Variants in CADPS2 observed in about 807,000 individuals in gnomAD.
CADPS2 encodes the protein calcium dependent secretion activator 2.
A neutral mutation model predicts 172.5 loss-of-function variants in CADPS2; 93 were observed. The observed-to-expected ratio is 0.54, with a 90% CI of 0.46 to 0.64. CADPS2 has a LOEUF of 0.64. CADPS2 is among the 30% of genes least tolerant of loss of function. The pLI is 0.00. For missense variants in CADPS2, 1,420 were observed against 1,565.9 expected (o/e 0.91, Z 1.57); for synonymous variants, 546 against 555.2 (o/e 0.98, Z 0.23).
At chr7:122,337,660 C>T (rs2036074407) in intron 28 of CADPS2, among the ~76,000 whole-genome samples, 1 of 149,326 alleles carries the variant, frequency 6.7e-6, no homozygotes, top group African/African-American at 2.5e-5. Flanking sequence ...CTTACACTTA[C>T]AAATAATAAC....
At chr7:122,636,223 G>A (rs899456486) in intron 3 of CADPS2, among the ~76,000 whole-genome samples, 2 of 152,112 alleles carry the variant, frequency 1.3e-5, no homozygotes, top group Non-Finnish European at 2.9e-5. Context: ...TGTTTTTGTG[G>A]TAGCAGGTTT....
At chr7:122,767,308 T>C (rs556464447) in intron 1 of CADPS2, among the ~76,000 whole-genome samples, 2 of 152,284 alleles carry the variant, frequency 1.3e-5, no homozygotes, top group South Asian at 2.1e-4. Flanking sequence ...TATTCCTATA[T>C]TAAAGGTGAG....
chr7:122,651,220 T>G (rs1305180934), intron 3 of CADPS2, among the ~76,000 whole-genome samples: 1 of 150,954 alleles, frequency 6.6e-6, no homozygotes, highest in Non-Finnish European at 1.5e-5. Context: ...CATTACTGTA[T>G]GTTAAATGAA....
At chr7:122,696,925 A>C (rs1390613811) in intron 2 of CADPS2, among the ~76,000 whole-genome samples, 1 of 152,156 alleles carries the variant, frequency 6.6e-6, no homozygotes, top group East Asian at 1.9e-4. Flanking sequence ...ATAGTGAACA[A>C]AAGAAACATG....
At position 122,393,207 on chromosome 7, in the gene CADPS2, T is replaced by C. The variant is rs759031505; in HGVS notation, c.2997A>G (p.Leu999=). The C allele has an allele frequency of 6.2e-7, 1 of 1,613,654 alleles. No homozygotes were observed. The highest frequency in any genetic ancestry group is 2.2e-5 in the East Asian group (1 of 44,872). The change falls in exon 22 of 30, where the codon TTA becomes TTG. Residue 999 remains leucine, a synonymous_variant. Transcript: ENST00000449022. The part of the protein sequence containing the change: ...NISTASWMPS[L]YESTNGSATS... The stretch of plus-strand genomic sequence containing the variant: ...TGAGGAATACACACGTGGACTCATA[T>C]AAAGAAGGCATCCACGAAGCAGTAG...
At chr7:122,658,433 G>C (rs370654967) in intron 3 of CADPS2, among the ~76,000 whole-genome samples, 1 of 152,148 alleles carries the variant, frequency 6.6e-6, no homozygotes, top group African/African-American at 2.4e-5. Flanking sequence ...TAAAGATACA[G>C]GCACAGTATG....
Position 122,320,247 on chromosome 7 carries a change from T to C in CADPS2, c.3809A>G (p.Glu1270Gly), listed in dbSNP as rs768623466. Reference sequence around the variant, plus strand: ...TTCTGAAACAGAGGCTGTGGCCTCCTCTACTGTTAAACGTCTGTGCACAGT... The same window carrying C: ...TTCTGAAACAGAGGCTGTGGCCTCCCCTACTGTTAAACGTCTGTGCACAGT... ...YDTVHRRLTV[E>G]EATASVSEGG... Residue 1270 changes from glutamate (E) to glycine (G), a missense_variant, in exon 30 of 30, where the codon GAG becomes GGG. Glu to Gly is a moderately conservative substitution (Grantham distance 98). Transcript: ENST00000449022. 6.2e-7 allele frequency: 1 copy of C among 1,613,736 alleles called. No homozygotes were observed. Among genetic ancestry groups the C allele is most frequent in the South Asian group, 1.1e-5 (1 of 91,040 alleles).
chr7:122,496,004 T>A (rs1351364481), intron 9 of CADPS2, among the ~76,000 whole-genome samples: 1 of 152,196 alleles, frequency 6.6e-6, no homozygotes, highest in Non-Finnish European at 1.5e-5. Flanking sequence ...TTTAGCCATT[T>A]TATACCATTT....
intron 2 of CADPS2, among the ~76,000 whole-genome samples, chr7:122,674,203 C>T (rs2082170188): frequency 6.6e-6 from 1 of 152,180 alleles, no homozygotes; most frequent in Non-Finnish European, 1.5e-5. Flanking sequence ...TCCCCGCCCG[C>T]ACCTCTCCCT....
intron 7 of CADPS2, among the ~76,000 whole-genome samples, chr7:122,564,791 A>C (rs1055680954): frequency 6.6e-6 from 1 of 151,936 alleles, no homozygotes; most frequent in Non-Finnish European, 1.5e-5. Flanking sequence ...TAACTGCATA[A>C]AATTTTTAAT....
At chr7:122,457,603 C>G (rs1330419679) in intron 14 of CADPS2, among the ~76,000 whole-genome samples, 1 of 152,138 alleles carries the variant, frequency 6.6e-6, no homozygotes, top group Non-Finnish European at 1.5e-5. Flanking sequence ...GTAAAGAAAT[C>G]TGTTTAACTT....
rs369393609 is a variant in CADPS2, at chr7:122,428,471, ATTTT to A, written c.2476+9866_2476+9869del. Reference sequence around the variant, plus strand: ...TACACACATATATATATATATATATATTTTTTTTTTTTTGAGACGGAGTTTTGCT... The same window carrying A: ...TACACACATATATATATATATATATATTTTTTTTTGAGACGGAGTTTTGCT... On this transcript the variant is annotated intron_variant, in intron 17 of 29. Coordinates refer to ENST00000449022, the MANE Select transcript of CADPS2 (RefSeq NM_017954.11). 7.7e-3 allele frequency among the ~76,000 whole-genome samples: 899 copies of A among 117,082 alleles called. 4 individuals are homozygous for A. The highest frequency in any genetic ancestry group is 0.01 in the African/African-American group (266 of 25,926). 76.8% of individuals were successfully genotyped at this position (117,082 alleles called of 152,430 possible). A position where few individuals can be genotyped will look rare whatever the true frequency, so the allele number is the denominator to read the frequency against.
chr7:122,393,671 G>C (rs973537923), intron 20 of CADPS2, 89 bp from the exon 21 acceptor site: 98 of 1,345,044 alleles, frequency 7.3e-5, no homozygotes, highest in Non-Finnish European at 9.5e-5. Flanking sequence ...TTTTCTGAGA[G>C]AGTCTGACAC....
intron 27 of CADPS2, among the ~76,000 whole-genome samples, chr7:122,356,803 G>A (rs894962105): frequency 1.3e-5 from 2 of 152,026 alleles, no homozygotes; most frequent in Non-Finnish European, 2.9e-5. Flanking sequence ...GTGTCTCTTT[G>A]AAACACAGAG....
rs547802075 is a variant in CADPS2 at position 122,580,608 on chromosome 7, T to C, written c.1335+571A>G. 4.6e-5 allele frequency among the ~76,000 whole-genome samples: 7 copies of C among 152,192 alleles called. 1 individual carries two copies. Among genetic ancestry groups the C allele is most frequent in the African/African-American group, 1.7e-4 (7 of 41,546 alleles). Reference sequence around the variant, plus strand: ...GCTTTTACTGACAGCACAAGCTGAGTATAGTAAGGGTATACTGGGATTAGA... The same window carrying C: ...GCTTTTACTGACAGCACAAGCTGAGCATAGTAAGGGTATACTGGGATTAGA... On this transcript the variant is annotated intron_variant, in intron 7 of 29. Coordinates refer to ENST00000449022, the MANE Select transcript of CADPS2 (RefSeq NM_017954.11).
chr7:122,858,354 A>G (rs1815919033), intron 1 of CADPS2, among the ~76,000 whole-genome samples: 1 of 152,186 alleles, frequency 6.6e-6, no homozygotes. Context: ...ATGGTTTTAA[A>G]TAGAGCTTTT....
chr7:122,783,511 A>G (rs1196790224), intron 1 of CADPS2, among the ~76,000 whole-genome samples: 1 of 152,086 alleles, frequency 6.6e-6, no homozygotes, highest in African/African-American at 2.4e-5. Flanking sequence ...TCCCTTGCAG[A>G]CCCTTGACCT....
chr7:122,443,778 T>C (rs1207167422), intron 15 of CADPS2, among the ~76,000 whole-genome samples: 2 of 150,990 alleles, frequency 1.3e-5, no homozygotes, highest in Non-Finnish European at 3.0e-5. Flanking sequence ...TTAAACTTTA[T>C]ATCCTTCAAT....
rs1021812277 is a variant in CADPS2 at position 122,576,605 on chromosome 7, T to C, written c.1335+4574A>G. 2.6e-5 allele frequency among the ~76,000 whole-genome samples: 4 copies of C among 152,292 alleles called. No individual in the cohort carries two copies. In the South Asian group the frequency reaches 6.2e-4, roughly 24 times the overall value. ...TGGCAAATACATACAAGTATGCATC[T>C]GATATGGTTAGGCTTTGTGTCCCCA... On this transcript the variant is annotated intron_variant, in intron 7 of 29. Transcript: ENST00000449022.
Sources: allele counts gnomAD v4.1 joint callset (sites outside exome capture counted in the v4.1 genomes callset), GRCh38; gene constraint gnomAD v4.1.1; transcripts MANE v1.5; gene names NCBI Gene and HGNC (gene_info 2026-07-23, HGNC 2026-07-21).